Variants in STK3 observed in about 807,000 individuals in gnomAD.
STK3 encodes serine/threonine-protein kinase 3.
In STK3, 41 loss-of-function variants were observed where a neutral mutation model predicts 58.0. The observed-to-expected ratio is 0.71, with a 90% CI of 0.55 to 0.92. The LOEUF (loss-of-function observed/expected upper bound fraction) is 0.92, where lower values mean the gene tolerates loss of function less well. STK3 is among the 40% of genes least tolerant of loss of function. STK3 has a pLI of 0.00. For missense variants in STK3, 479 were observed against 602.7 expected (o/e 0.79, Z 2.15); for synonymous variants, 170 against 191.0 (o/e 0.89, Z 0.91).
intron 4 of STK3, chr8:98,722,817 T>C: frequency 1.3e-5 from 6 of 455,932 alleles, no homozygotes; most frequent in South Asian, 1.0e-4. Context: ...GTCAGATTTA[T>C]ACTGAAAACA....
At chr8:98,657,704 T>A (rs577553397) in intron 6 of STK3, among the ~76,000 whole-genome samples, 13 of 151,940 alleles carry the variant, frequency 8.6e-5, no homozygotes, top group African/African-American at 3.1e-4. Flanking sequence ...AGGATTAAAA[T>A]GCAAAAAAGC....
At chr8:98,598,062 G>A (rs1815984172) in intron 6 of STK3, 1 of 985,240 alleles carries the variant, frequency 1.0e-6, no homozygotes, top group Non-Finnish European at 1.2e-6. Context: ...CTGTGAAACA[G>A]TTCAAAGGAC....
At chr8:98,665,861 G>A (rs1316179813) in intron 6 of STK3, among the ~76,000 whole-genome samples, 1 of 151,948 alleles carries the variant, frequency 6.6e-6, no homozygotes, top group African/African-American at 2.4e-5. Context: ...CCGCCACCAC[G>A]CCCGGCTAAT....
rs570265630 is a variant in STK3 at position 98,912,236 on chromosome 8, C to T, written c.-78-28402G>A. The stretch of plus-strand genomic sequence containing the variant: ...TCTACTAAAAATACAAAAATTAGCC[C>T]GATGTGGTGGCGCACGCCTGTAATC... On this transcript the variant is annotated intron_variant, in intron 1 of 1. Coordinates refer to the STK3 transcript ENST00000519420. Among the ~76,000 whole-genome samples the T allele has an allele frequency of 8.6e-5, 13 of 152,034 alleles. No homozygotes were observed. The East Asian group carries it at 2.3e-3, about 27-fold the overall frequency.
chr8:98,358,479 A>G, the STK3 span, among the ~76,000 whole-genome samples: 1 of 152,150 alleles, frequency 6.6e-6, no homozygotes, highest in African/African-American at 2.4e-5. Context: ...GTAGGGTTCT[A>G]TCAGGGCTTC....
At chr8:98,911,376 A>G (rs1444066023) in intron 1 of STK3, among the ~76,000 whole-genome samples, 2 of 151,588 alleles carry the variant, frequency 1.3e-5, no homozygotes, top group Admixed American at 6.6e-5. Context: ...TCATATAAAT[A>G]TTGTATTGTA....
At chr8:98,487,803 T>G (rs563921439) in intron 10 of STK3, among the ~76,000 whole-genome samples, 1 of 152,142 alleles carries the variant, frequency 6.6e-6, no homozygotes, top group Non-Finnish European at 1.5e-5. Context: ...ATCACTATAG[T>G]TGGGGAATAA....
intron 7 of STK3, among the ~76,000 whole-genome samples, chr8:98,586,477 T>C (rs1814607439): frequency 6.7e-6 from 1 of 150,068 alleles, no homozygotes; most frequent in Non-Finnish European, 1.5e-5. Flanking sequence ...AGCTTTTTGA[T>C]GTGCTGCTGG....
At chr8:98,452,919 A>C (rs59169081), downstream of STK3, among the ~76,000 whole-genome samples, 49,584 of 125,758 alleles carry the variant, frequency 0.39, 10,603 homozygotes, top group Admixed American at 0.51. Flanking sequence ...TGCTACCACG[A>C]TCAGCTAATT....
chr8:98,650,532 A>G (rs1023984623), intron 6 of STK3, among the ~76,000 whole-genome samples: 1 of 152,222 alleles, frequency 6.6e-6, no homozygotes, highest in African/African-American at 2.4e-5. Flanking sequence ...CAAAGCAGGG[A>G]GAGGTATTGC....
chr8:98,346,338 G>A, the STK3 span, among the ~76,000 whole-genome samples: 2 of 151,078 alleles, frequency 1.3e-5, no homozygotes, highest in Non-Finnish European at 2.9e-5. Context: ...AACTCCAACA[G>A]CCTAATATAA....
intron 4 of STK3, among the ~76,000 whole-genome samples, chr8:98,712,788 T>C (rs1276189470): frequency 6.6e-6 from 1 of 152,284 alleles, no homozygotes; most frequent in Non-Finnish European, 1.5e-5. Context: ...GCGGACCTAA[T>C]AGACATCTAC....
intron 6 of STK3, among the ~76,000 whole-genome samples, chr8:98,615,000 T>G (rs1032015746): frequency 6.6e-6 from 1 of 152,204 alleles, no homozygotes; most frequent in Non-Finnish European, 1.5e-5. Flanking sequence ...GCTCCACGTC[T>G]AGGGGCAGGG....
At chr8:98,844,339 C>A (rs774256399) in intron 3 of STK3, among the ~76,000 whole-genome samples, 8 of 151,976 alleles carry the variant, frequency 5.3e-5, no homozygotes, top group Non-Finnish European at 1.2e-4. Context: ...ATTATCTTTG[C>A]AATAATTGGT....
intron 7 of STK3, among the ~76,000 whole-genome samples, chr8:98,586,906 G>T (rs867802861): frequency 0.019 from 2,818 of 144,894 alleles, 104 homozygotes; most frequent in African/African-American, 0.069. Context: ...TAGTATTCTC[G>T]GATGGTAGTT....
At chr8:98,786,749 T>C (rs935488171) in intron 1 of STK3, among the ~76,000 whole-genome samples, 2 of 152,134 alleles carry the variant, frequency 1.3e-5, no homozygotes, top group Non-Finnish European at 2.9e-5. Flanking sequence ...ATTTCCCTAA[T>C]CTTGCTAGAG....
intron 6 of STK3, among the ~76,000 whole-genome samples, chr8:98,622,984 T>C (rs1010895119): frequency 3.3e-5 from 5 of 152,000 alleles, no homozygotes; most frequent in Admixed American, 1.3e-4. Flanking sequence ...TACATACCGA[T>C]AAAAGAAAAC....
In STK3 at chr8:98,720,750, C is replaced by CAA. The variant is rs35529460; in HGVS notation, c.352-13441_352-13440dup. ...TGGGTGACAGAGCGAGACTCCGTCTCAAAAAAAAAAAAAAAAAAAGAAAAA... is the reference window on the plus strand; with the variant it reads ...TGGGTGACAGAGCGAGACTCCGTCTCAAAAAAAAAAAAAAAAAAAAAGAAAAA... On this transcript the variant is annotated intron_variant, in intron 4 of 10. Transcript: ENST00000419617. 7.7e-3 allele frequency among the ~76,000 whole-genome samples: 729 copies of CAA among 94,682 alleles called. 7 individuals are homozygous for CAA. Among genetic ancestry groups the CAA allele is most frequent in the African/African-American group, 0.027 (659 of 24,752 alleles). 62.1% of individuals were successfully genotyped at this position (94,682 alleles called of 152,430 possible). A position where few individuals can be genotyped will look rare whatever the true frequency, so the allele number is the denominator to read the frequency against.
intron 1 of STK3, among the ~76,000 whole-genome samples, chr8:98,823,207 G>GT (rs1192407958): frequency 6.6e-6 from 1 of 152,064 alleles, no homozygotes; most frequent in African/African-American, 2.4e-5. Flanking sequence ...TAATGAAAGA[G>GT]TAAGACCTAC....
Sources: allele counts gnomAD v4.1 joint callset (sites outside exome capture counted in the v4.1 genomes callset), GRCh38; gene constraint gnomAD v4.1.1; transcripts MANE v1.5; gene names NCBI Gene and HGNC (gene_info 2026-07-23, HGNC 2026-07-21).